The following CREB3 variants were observed in gnomAD, a reference collection of about 807,000 sequenced individuals.
CREB3 encodes the protein cAMP responsive element binding protein 3, also known as cyclic AMP-responsive element-binding protein 3.
CREB3 carries 29 observed loss-of-function variants against 34.5 expected under a neutral mutation model. The ratio of observed to expected loss-of-function variants is 0.84; its 90% CI spans 0.63 to 1.15. The LOEUF is 1.15. CREB3 is among the 50% of genes most tolerant of loss of function. The probability of loss-of-function intolerance (pLI) is 0.00; values close to 1 mark genes in which losing one functional copy is unlikely to be tolerated. For missense variants in CREB3, 447 were observed against 443.4 expected, an observed-to-expected ratio of 1.01 and a Z score of -0.07; for synonymous variants, 187 against 173.9, an observed-to-expected ratio of 1.08 and a Z score of -0.59.
At position 35,736,086 on chromosome 9, in the gene CREB3, T is replaced by G; in HGVS notation, c.650T>G (p.Val217Gly). ...CAACTGAGGAAACTCCAGGCCATGGTGATTGAGATATCAAACAAAACCAGC... is the reference window on the plus strand; with the variant it reads ...CAACTGAGGAAACTCCAGGCCATGGGGATTGAGATATCAAACAAAACCAGC... ...LDQLRKLQAM[V>G]IEISNKTSSS... The change falls in exon 7 of 9, where the codon GTG (valine) becomes GGG (glycine). Residue 217 changes from valine to glycine, a missense_variant. By Grantham distance (109) the Val-to-Gly change is moderately radical. Coordinates refer to ENST00000353704, the MANE Select transcript of CREB3 (RefSeq NM_006368.5). 1 of 1,614,050 alleles carries G rather than the reference T, an allele frequency of 6.2e-7. No individual in the cohort carries two copies. The highest frequency in any genetic ancestry group is 8.5e-7 in the Non-Finnish European group (1 of 1,179,980).
At chr9:35,734,867 A>G (rs1324244096) in intron 4 of CREB3, among the ~76,000 whole-genome samples, 3 of 152,282 alleles carry the variant, frequency 2.0e-5, no homozygotes, top group African/African-American at 7.2e-5. Context: ...TGTTGGGATT[A>G]CAGGCATGAG....
At chr9:35,735,507 T>C in intron 6 of CREB3, 133 bp downstream of exon 6, 1 of 746,792 alleles carries the variant, frequency 1.3e-6, no homozygotes, top group South Asian at 1.6e-5. Flanking sequence ...AAGCTCCCAG[T>C]AGTGAGGAAT....
At chr9:35,733,568 ACTTT>A in intron 4 of CREB3, 83 bp downstream of exon 4, 1 of 926,504 alleles carries the variant, frequency 1.1e-6, no homozygotes, top group Non-Finnish European at 1.7e-6. Flanking sequence ...TATATCAATA[ACTTT>A]AAAAAAGGAT....
chr9:35,733,575 AAAAG>A, intron 4 of CREB3, 90 bp downstream of exon 4: 1 of 883,038 alleles, frequency 1.1e-6, no homozygotes, highest in Non-Finnish European at 1.8e-6. Context: ...ATAACTTTAA[AAAAG>A]GATTGAGGTG....
intron 5 of CREB3, 39 bp downstream of exon 5, chr9:35,735,254 T>A (rs1826178275): frequency 7.4e-6 from 12 of 1,612,870 alleles, no homozygotes; most frequent in Non-Finnish European, 9.3e-6. Context: ...AGTATTAGGT[T>A]TTTGAAGGGA....
rs372525297 is a variant in CREB3, at chr9:35,733,280, C to G, written c.343C>G (p.Gln115Glu). ...ACAGCATATGGAGGAGCTGGCAGAG[C>G]AGGTACTTGACTTGATTTTCAGGAG... ...TPQHMEELAE[Q>E]EIARLVLTDE... The change falls in exon 3 of 9, where the codon CAG becomes GAG. Residue 115 changes from glutamine to glutamate, a missense_variant and splice_region_variant. Physicochemically the swap from Gln to Glu is conservative, Grantham distance 29. Transcript: ENST00000353704. 1.5e-4 allele frequency: 248 copies of G among 1,614,058 alleles called. No individual in the cohort carries two copies. Among genetic ancestry groups the G allele is most frequent in the Non-Finnish European group, 2.1e-4 (242 of 1,180,022 alleles).
intron 6 of CREB3, 36 bp from the exon 7 acceptor site, chr9:35,736,012 A>G: frequency 6.6e-7 from 1 of 1,524,828 alleles, no homozygotes; most frequent in South Asian, 1.1e-5. Context: ...ATGCTAGGCC[A>G]GGGGATGCTC....
In CREB3 at chr9:35,733,204, C is replaced by A. The variant is rs1826124223; in HGVS notation, c.278-11C>A. The A allele has an allele frequency of 3.1e-6, 5 of 1,614,206 alleles. No homozygotes were observed. The highest frequency in any genetic ancestry group is 4.2e-6 in the Non-Finnish European group (5 of 1,180,040). On this transcript the variant is annotated splice_polypyrimidine_tract_variant and intron_variant, in intron 2 of 8. Transcript: ENST00000353704. ...TCATGGGCCTGGCTATTCATACTTT[C>A]CCTTTTGCAGAGAGTGAGAGCTGTA...
chr9:35,734,023 G>C (rs530483030), intron 4 of CREB3, among the ~76,000 whole-genome samples: 4 of 152,074 alleles, frequency 2.6e-5, no homozygotes, highest in Non-Finnish European at 4.4e-5. Flanking sequence ...GCCCAGGCTG[G>C]AGTGCACTGA....
In CREB3 at chr9:35,736,825, C is replaced by T. The variant is rs1826232318; in HGVS notation, c.*99C>T. On this transcript the variant is annotated 3_prime_UTR_variant, in exon 9 of 9. Transcript: ENST00000353704. ...GCAAGGGCTGGCCGCAGCTCCTGTG[C>T]CCTGTCAGGACGACTGAGGGCTCAA... 2 of 1,152,050 alleles carry T rather than the reference C, an allele frequency of 1.7e-6. No homozygotes were observed. Among genetic ancestry groups the T allele is most frequent in the East Asian group, 2.4e-5 (1 of 42,462 alleles). The allele number at this position is 1,152,050 out of a possible 1,614,324, so 71.4% of individuals were successfully genotyped here.
chr9:35,735,617 G>A (rs1826186734), intron 6 of CREB3, among the ~76,000 whole-genome samples: 1 of 152,214 alleles, frequency 6.6e-6, no homozygotes, highest in South Asian at 2.1e-4. Flanking sequence ...CTGGGGTTGG[G>A]TTGGGAAAGC....
chr9:35,735,294 TA>T lies in CREB3; in HGVS notation c.543-11del, dbSNP rs1826179356. ...ACAGGCCATATCCCCGTATCTTTGTTATTTCCCCCAGGGTCTTGAAATACAC... is the reference window on the plus strand; with the variant it reads ...ACAGGCCATATCCCCGTATCTTTGTTTTTCCCCCAGGGTCTTGAAATACAC... On this transcript the variant is annotated splice_polypyrimidine_tract_variant and intron_variant, in intron 5 of 8. Coordinates refer to ENST00000353704, the MANE Select transcript of CREB3 (RefSeq NM_006368.5). The T allele has an allele frequency of 4.3e-6, 7 of 1,613,918 alleles. No homozygotes were observed. Among genetic ancestry groups the T allele is most frequent in the Non-Finnish European group, 5.9e-6 (7 of 1,179,870 alleles).
rs771869906 is a variant in CREB3, at chr9:35,732,937, G to A, written c.129+36G>A. On this transcript the variant is annotated intron_variant, in intron 1 of 8. Coordinates refer to ENST00000353704, the MANE Select transcript of CREB3 (RefSeq NM_006368.5). The surrounding 1 kb of genome is among the most constrained non-coding windows in gnomAD (Gnocchi z 5.1). ...GTTCTGACTGGGGAAAGCGTGGGAT[G>A]TCCATGAAGTCAGGTGATGGTGATA... 3.1e-6 allele frequency: 5 copies of A among 1,612,682 alleles called. No individual in the cohort carries two copies. The highest frequency in any genetic ancestry group is 1.3e-5 in the African/African-American group (1 of 74,914).
chr9:35,736,477 C>T lies in CREB3; in HGVS notation c.867C>T (p.Asp289=). 1.9e-6 allele frequency: 3 copies of T among 1,614,218 alleles called. No individual in the cohort carries two copies. Among genetic ancestry groups the T allele is most frequent in the African/African-American group, 1.3e-5 (1 of 75,046 alleles). Residue 289 remains aspartate (D), a synonymous_variant, in exon 9 of 9, where the codon GAC becomes GAT. Transcript: ENST00000353704. ...CCCTGCAGTCAGAAGTGCCGAAAGA[C>T]AGCACACACCAGTGGTTGGACGGCT... ...LPALQSEVPK[D]STHQWLDGSD... is the part of the protein sequence containing the mutation.
In CREB3 at chr9:35,736,863, T is replaced by A; in HGVS notation, c.*137T>A. On this transcript the variant is annotated 3_prime_UTR_variant, in exon 9 of 9. Transcript: ENST00000353704. Reference sequence around the variant, plus strand: ...ACTGAGGGCTCAAACACACCACACTTAATGGCTTTCTGGGTCTTTTATTTG... The same window carrying A: ...ACTGAGGGCTCAAACACACCACACTAAATGGCTTTCTGGGTCTTTTATTTG... The A allele has an allele frequency of 1.2e-6, 1 of 835,662 alleles. No individual in the cohort carries two copies. Among genetic ancestry groups the A allele is most frequent in the Non-Finnish European group, 1.9e-6 (1 of 538,208 alleles). The allele number at this position is 835,662 out of a possible 1,614,324, so 51.8% of individuals were successfully genotyped here.
chr9:35,734,862 G>C (rs996465011), intron 4 of CREB3, among the ~76,000 whole-genome samples: 2 of 152,118 alleles, frequency 1.3e-5, no homozygotes, highest in Admixed American at 1.3e-4. Flanking sequence ...CAAAGTGTTG[G>C]GATTACAGGC....
chr9:35,736,547 C>A lies in CREB3; in HGVS notation c.937C>A (p.His313Asn), dbSNP rs765269248. 3.7e-6 allele frequency: 6 copies of A among 1,614,226 alleles called. No individual in the cohort carries two copies. The highest frequency in any genetic ancestry group is 1.7e-6 in the Non-Finnish European group (2 of 1,180,038). ...CCCTGGCAACACTTCCTGCCTGCTG[C>A]ATTACATGCCTCAGGCTCCCAGTGC... ...QAPGNTSCLLHYMPQAPSAEP... is the reference protein window; with the variant it reads ...QAPGNTSCLLNYMPQAPSAEP... The change falls in exon 9 of 9, where the codon CAT (histidine) becomes AAT (asparagine). Residue 313 changes from histidine (H) to asparagine (N), a missense_variant. Coordinates refer to ENST00000353704, the MANE Select transcript of CREB3 (RefSeq NM_006368.5).
intron 4 of CREB3, among the ~76,000 whole-genome samples, chr9:35,734,372 G>A (rs186481710): frequency 2.0e-5 from 3 of 152,246 alleles, no homozygotes; most frequent in Admixed American, 6.5e-5. Context: ...TGCTTTCCTT[G>A]ATACTGGCTA....
intron 4 of CREB3, 37 bp downstream of exon 4, chr9:35,733,522 G>T: frequency 6.7e-7 from 1 of 1,500,054 alleles, no homozygotes; most frequent in East Asian, 2.3e-5. Flanking sequence ...GCTGAAAAGG[G>T]ATTAAAAGTC....
Sources: gnomAD v4.1 joint callset for allele counts (sites outside exome capture counted in the v4.1 genomes callset) on GRCh38, gnomAD v4.1.1 for gene constraint, Gnocchi (gnomAD v3.1) non-coding constraint, MANE v1.5 for transcripts, NCBI Gene and HGNC (gene_info 2026-07-23, HGNC 2026-07-21) for gene names.